CFAP69: variants seen among roughly 807,000 people sequenced by gnomAD.
CFAP69 encodes cilia and flagella associated protein 69, also known as cilia- and flagella-associated protein 69.
In CFAP69, 92 loss-of-function variants were observed where a neutral mutation model predicts 123.0. The ratio of observed to expected loss-of-function variants is 0.75; its 90% CI spans 0.63 to 0.89. CFAP69 has a LOEUF of 0.89. Ranked by LOEUF, CFAP69 falls within the 40% of genes least tolerant of loss-of-function variation. The pLI is 0.00. For missense variants in CFAP69, 1,067 were observed against 1,096.9 expected, an observed-to-expected ratio of 0.97 and a Z score of 0.39; for synonymous variants, 380 against 364.3, an observed-to-expected ratio of 1.04 and a Z score of -0.49.
chr7:90,299,817 A>G, intron 16 of CFAP69, 50 bp from the exon 17 acceptor site: 1 of 1,394,768 alleles, frequency 7.2e-7, no homozygotes, highest in Non-Finnish European at 9.7e-7. Flanking sequence ...GAAGACAATA[A>G]TTCTTAATAT....
Position 90,297,794 on chromosome 7 carries a change from A to T in CFAP69, c.1821A>T (p.Glu607Asp), listed in dbSNP as rs751763775. ...GCYPSEDYFL[E>D]KEGIFLLLDL... ...ATCCCTCAGAGGATTATTTTCTTGA[A>T]AAGGAAGGCATTTTTCTCCTTTTGG... The change falls in exon 16 of 23, where the codon GAA becomes GAT. Residue 607 changes from glutamate (E) to aspartate (D), a missense_variant. Coordinates refer to ENST00000389297, the MANE Select transcript of CFAP69 (RefSeq NM_001039706.3). 25 of 1,574,238 alleles carry T rather than the reference A, an allele frequency of 1.6e-5. No individual in the cohort carries two copies. Among genetic ancestry groups the T allele is most frequent in the Non-Finnish European group, 2.1e-5 (24 of 1,168,188 alleles).
rs916645 is a variant in CFAP69, at chr7:90,251,666, G to A, written c.121-3757G>A. On this transcript the variant is annotated intron_variant, in intron 1 of 22. Coordinates refer to ENST00000389297, the MANE Select transcript of CFAP69 (RefSeq NM_001039706.3). ...ATTCCCCACACCTAGCACAATTCCT[G>A]AAACAAAAAAAACCTACTAATAAAT... Among the ~76,000 whole-genome samples, 4,869 of 145,298 alleles carry A rather than the reference G, an allele frequency of 0.034. 610 individuals are homozygous for A. The East Asian group carries it at 0.42, about 12-fold the overall frequency.
At chr7:90,303,133 T>G (rs928097814) in intron 17 of CFAP69, 5 of 152,156 alleles carry the variant, frequency 3.3e-5, no homozygotes, top group Non-Finnish European at 5.9e-5. Context: ...GTTGTTGGTG[T>G]GTAGGAATGC....
At chr7:90,279,254 G>A (rs1782816093) in intron 11 of CFAP69, among the ~76,000 whole-genome samples, 2 of 152,152 alleles carry the variant, frequency 1.3e-5, no homozygotes, top group African/African-American at 4.8e-5. Context: ...GAGTCTGTGA[G>A]ATATTTCCTT....
At chr7:90,249,718 A>G (rs977771395) in intron 1 of CFAP69, among the ~76,000 whole-genome samples, 1 of 152,168 alleles carries the variant, frequency 6.6e-6, no homozygotes, top group African/African-American at 2.4e-5. Flanking sequence ...TTTAATGTGC[A>G]TATGGAGCAC....
At chr7:90,246,680 G>A (rs2116479102) in intron 1 of CFAP69, among the ~76,000 whole-genome samples, 1 of 152,318 alleles carries the variant, frequency 6.6e-6, no homozygotes, top group Admixed American at 6.5e-5. Context: ...CTGCAAGAAA[G>A]ATCAACAATA....
intron 20 of CFAP69, 50 bp downstream of exon 20, chr7:90,307,148 G>A (rs768540460): frequency 7.3e-7 from 1 of 1,378,660 alleles, no homozygotes; most frequent in Non-Finnish European, 1.0e-6. Context: ...GTTGGTTAAT[G>A]GGCACAAAAA....
chr7:90,282,291 A>G (rs181323820), intron 12 of CFAP69, among the ~76,000 whole-genome samples: 93 of 152,190 alleles, frequency 6.1e-4, no homozygotes, highest in African/African-American at 2.1e-3. Flanking sequence ...TGAGACTTCA[A>G]TGAGCTGTGA....
Position 90,304,078 on chromosome 7 carries a change from A to G in CFAP69, c.2160A>G (p.Ala720=). The part of the protein sequence containing the change: ...AVMDVSENIR[A]KIYAILGKLD... Reference sequence around the variant, plus strand: ...TGGATGTTTCTGAGAATATTAGAGCAAAAATTTATGCTATATTGGGCAAAC... The same window carrying G: ...TGGATGTTTCTGAGAATATTAGAGCGAAAATTTATGCTATATTGGGCAAAC... Residue 720 remains alanine (A), a synonymous_variant, in exon 18 of 23, where the codon GCA becomes GCG. Transcript: ENST00000389297. 6.4e-7 allele frequency: 1 copy of G among 1,550,740 alleles called. No homozygotes were observed.
At chr7:90,295,955 G>A (rs1428877838) in intron 15 of CFAP69, among the ~76,000 whole-genome samples, 1 of 152,148 alleles carries the variant, frequency 6.6e-6, no homozygotes, top group African/African-American at 2.4e-5. Flanking sequence ...TCAGCATCTT[G>A]GTTTTGGTGG....
At chr7:90,264,509 C>A (rs1013838276) in intron 4 of CFAP69, among the ~76,000 whole-genome samples, 4 of 151,916 alleles carry the variant, frequency 2.6e-5, no homozygotes, top group African/African-American at 9.7e-5. Context: ...TCGATTTTGC[C>A]TAGAGTTTTG....
intron 14 of CFAP69, chr7:90,287,485 C>A (rs1411077302): frequency 1.0e-6 from 1 of 985,230 alleles, no homozygotes; most frequent in East Asian, 1.1e-4. Context: ...ATCTTAATCC[C>A]CTTTTATCTT....
chr7:90,300,160 T>A, intron 17 of CFAP69, 101 bp downstream of exon 17: 3 of 1,068,810 alleles, frequency 2.8e-6, no homozygotes, highest in African/African-American at 2.7e-5. Context: ...CCCCTTTGTC[T>A]AAAGTTTTTT....
intron 15 of CFAP69, among the ~76,000 whole-genome samples, chr7:90,296,375 C>T (rs529663213): frequency 2.0e-5 from 3 of 151,744 alleles, no homozygotes; most frequent in East Asian, 1.9e-4. Flanking sequence ...TCACCCAGCC[C>T]GGGGTGCAGT....
intron 8 of CFAP69, among the ~76,000 whole-genome samples, chr7:90,272,898 C>T (rs926796949): frequency 6.6e-6 from 1 of 152,096 alleles, no homozygotes; most frequent in African/African-American, 2.4e-5. Context: ...GCCTGTTCCA[C>T]AGTGATTTAT....
chr7:90,258,287 A>G (rs1797893306), intron 3 of CFAP69, 124 bp downstream of exon 3: 2 of 692,108 alleles, frequency 2.9e-6, no homozygotes, highest in East Asian at 2.9e-5. Flanking sequence ...GCTTAAAACA[A>G]CATAAAGTTA....
chr7:90,304,319 T>A, intron 18 of CFAP69: 1 of 1,283,808 alleles, frequency 7.8e-7, no homozygotes, highest in South Asian at 2.4e-5. Flanking sequence ...TTTTTAAAGC[T>A]CCCCAGGCAA....
intron 14 of CFAP69, chr7:90,287,545 T>C: frequency 1.0e-6 from 1 of 985,286 alleles, no homozygotes; most frequent in Non-Finnish European, 1.2e-6. Context: ...AATTTAAATG[T>C]TAAATAGCAA....
At chr7:90,255,385 A>C in intron 1 of CFAP69, 38 bp from the exon 2 acceptor site, 1 of 1,514,604 alleles carries the variant, frequency 6.6e-7, no homozygotes, top group Non-Finnish European at 9.1e-7. Flanking sequence ...ATTGATATAG[A>C]AGATGATCTA....
Sources: gnomAD v4.1 joint callset for allele counts (sites outside exome capture counted in the v4.1 genomes callset) on GRCh38, gnomAD v4.1.1 for gene constraint, MANE v1.5 for transcripts, NCBI Gene and HGNC (gene_info 2026-07-23, HGNC 2026-07-21) for gene names.